Variants in NPSR1 observed in about 807,000 individuals in gnomAD.
NPSR1 encodes the protein neuropeptide S receptor 1.
NPSR1 carries 48 observed loss-of-function variants against 46.9 expected under a neutral mutation model. That is an observed-to-expected ratio of 1.02 (90% CI 0.81 to 1.30). The LOEUF (loss-of-function observed/expected upper bound fraction) is 1.30, where lower values mean the gene tolerates loss of function less well. Among genes scored for constraint, NPSR1 ranks in the 50% most tolerant of loss-of-function variants. The pLI, the probability that NPSR1 is intolerant of heterozygous loss-of-function variation, is 0.00. For missense variants in NPSR1, 450 were observed against 449.5 expected, an observed-to-expected ratio of 1.00 and a Z score of -0.01; for synonymous variants, 176 against 168.1, an observed-to-expected ratio of 1.05 and a Z score of -0.36.
At chr7:34,756,763 C>T (rs1334624042) in intron 2 of NPSR1, among the ~76,000 whole-genome samples, 1 of 152,190 alleles carries the variant, frequency 6.6e-6, no homozygotes, top group Non-Finnish European at 1.5e-5. Flanking sequence ...AATTCAAATC[C>T]TCTCTCTGCC....
intron 3 of NPSR1, among the ~76,000 whole-genome samples, chr7:34,793,526 C>T (rs911824405): frequency 6.6e-6 from 1 of 152,080 alleles, no homozygotes; most frequent in Non-Finnish European, 1.5e-5. Flanking sequence ...AGTAAGATAC[C>T]ACCTCAGTCT....
intron 2 of NPSR1, among the ~76,000 whole-genome samples, chr7:34,709,296 G>A (rs1361818282): frequency 3.3e-5 from 5 of 152,080 alleles, no homozygotes; most frequent in Non-Finnish European, 5.9e-5. Context: ...ACTCCATTCT[G>A]ACTGAACTCT....
intron 8 of NPSR1, among the ~76,000 whole-genome samples, chr7:34,876,340 C>A (rs1387094990): frequency 6.6e-6 from 1 of 152,186 alleles, no homozygotes; most frequent in African/African-American, 2.4e-5. Flanking sequence ...TTTTCCTGGT[C>A]TGCAACATGC....
chr7:34,754,508 G>T (rs1306759063), intron 2 of NPSR1, among the ~76,000 whole-genome samples: 1 of 151,996 alleles, frequency 6.6e-6, no homozygotes, highest in Non-Finnish European at 1.5e-5. Flanking sequence ...GTTACCATCT[G>T]CCTCTATGCC....
At chr7:34,709,322 C>T (rs1794269690) in intron 2 of NPSR1, among the ~76,000 whole-genome samples, 1 of 152,142 alleles carries the variant, frequency 6.6e-6, no homozygotes, top group East Asian at 1.9e-4. Flanking sequence ...AAACTCTTAA[C>T]ATTAATAATT....
chr7:34,705,753 A>G (rs1470438708), intron 2 of NPSR1, among the ~76,000 whole-genome samples: 6 of 151,978 alleles, frequency 3.9e-5, no homozygotes, highest in African/African-American at 1.4e-4. Flanking sequence ...AGCATTTTAA[A>G]TAATATCACA....
At chr7:34,664,616 T>TAA (rs781560805) in intron 1 of NPSR1, among the ~76,000 whole-genome samples, 1 of 145,084 alleles carries the variant, frequency 6.9e-6, no homozygotes, top group East Asian at 2.0e-4. Context: ...TTCTTTTTTT[T>TAA]AAAAAAAAAA....
chr7:34,845,717 T>C, intron 7 of NPSR1: 1 of 389,736 alleles, frequency 2.6e-6, no homozygotes, highest in South Asian at 2.0e-5. Context: ...GTAATAAATC[T>C]ATGAGGGCAA....
chr7:34,871,773 C>T (rs1199202392), intron 8 of NPSR1, among the ~76,000 whole-genome samples: 5 of 151,920 alleles, frequency 3.3e-5, no homozygotes, highest in African/African-American at 7.3e-5. Flanking sequence ...CTTCATGTCC[C>T]GCACCCTGGT....
At chr7:34,781,426 G>GAA (rs1787224644) in intron 3 of NPSR1, among the ~76,000 whole-genome samples, 2 of 152,226 alleles carry the variant, frequency 1.3e-5, no homozygotes, top group African/African-American at 4.8e-5. Flanking sequence ...AAAAAATGGA[G>GAA]AATAACCACA....
At chr7:34,860,654 G>GA (rs1250444521) in intron 8 of NPSR1, among the ~76,000 whole-genome samples, 2 of 151,788 alleles carry the variant, frequency 1.3e-5, no homozygotes, top group African/African-American at 2.4e-5. Context: ...TATGTGGTCA[G>GA]AAAAAAAGTA....
At chr7:34,721,755 T>C (rs929299781) in intron 2 of NPSR1, among the ~76,000 whole-genome samples, 5 of 152,224 alleles carry the variant, frequency 3.3e-5, no homozygotes, top group Admixed American at 2.6e-4. Flanking sequence ...GCCGAATTTA[T>C]GTATGAAAGC....
intron 2 of NPSR1, among the ~76,000 whole-genome samples, chr7:34,765,683 T>A (rs575449842): frequency 6.6e-6 from 1 of 152,174 alleles, no homozygotes; most frequent in African/African-American, 2.4e-5. Flanking sequence ...TGAATGCCAA[T>A]CAATGGATTG....
intron 3 of NPSR1, among the ~76,000 whole-genome samples, chr7:34,809,870 G>C (rs1191551888): frequency 6.6e-6 from 1 of 152,080 alleles, no homozygotes; most frequent in Non-Finnish European, 1.5e-5. Context: ...ACTTATAAGT[G>C]AGAATATACA....
intron 1 of NPSR1, among the ~76,000 whole-genome samples, chr7:34,676,366 C>A (rs2128677984): frequency 1.3e-5 from 2 of 152,274 alleles, no homozygotes; most frequent in Admixed American, 1.3e-4. Flanking sequence ...CAGCAAGTAG[C>A]AAAAACTGAG....
chr7:34,804,457 C>T (rs1788587549), intron 3 of NPSR1, among the ~76,000 whole-genome samples: 1 of 151,948 alleles, frequency 6.6e-6, no homozygotes, highest in Admixed American at 6.6e-5. Context: ...ACAGGAAAAG[C>T]ATTTAACAAA....
At chr7:34,723,178 T>C (rs942806427) in intron 2 of NPSR1, 11 of 152,594 alleles carry the variant, frequency 7.2e-5, no homozygotes, top group Admixed American at 6.5e-4. Flanking sequence ...TTCTCTGTTA[T>C]GTGCCTCATT....
intron 1 of NPSR1, among the ~76,000 whole-genome samples, chr7:34,676,978 G>A (rs1792351527): frequency 6.6e-6 from 1 of 152,152 alleles, no homozygotes; most frequent in South Asian, 2.1e-4. Flanking sequence ...TGTTTACAGA[G>A]CTCCTCGGAC....
At chr7:34,805,081 CTT>C (rs1178138222) in intron 3 of NPSR1, among the ~76,000 whole-genome samples, 2 of 151,840 alleles carry the variant, frequency 1.3e-5, no homozygotes, top group East Asian at 1.9e-4. Context: ...AATAGGAAGA[CTT>C]AATATTGTTA....
Sources: allele counts gnomAD v4.1 joint callset (sites outside exome capture counted in the v4.1 genomes callset), GRCh38; gene constraint gnomAD v4.1.1; transcripts MANE v1.5; gene names NCBI Gene and HGNC (gene_info 2026-07-23, HGNC 2026-07-21).